Variants in SMARCAL1 observed in about 807,000 individuals in gnomAD.
The protein encoded by SMARCAL1 is SNF2 related chromatin remodeling annealing helicase 1.
Under a neutral mutation model 94.5 loss-of-function variants are expected in SMARCAL1, and 58 were observed. The observed-to-expected ratio is 0.61, with a 90% CI of 0.50 to 0.76. The LOEUF (loss-of-function observed/expected upper bound fraction) is 0.76. Among genes scored for constraint, SMARCAL1 ranks in the 30% least tolerant of loss-of-function variants. The pLI is 0.00. For synonymous variants in SMARCAL1, 422 were observed against 455.1 expected (o/e 0.93, Z 0.93); for missense variants, 1,051 against 1,177.9 (o/e 0.89, Z 1.58).
intron 9 of SMARCAL1, among the ~76,000 whole-genome samples, chr2:216,436,062 G>A (rs532581943): frequency 1.1e-4 from 16 of 152,162 alleles, no homozygotes; most frequent in African/African-American, 3.6e-4. Context: ...TCTGCCTCCC[G>A]GGTTCAAGCA....
intron 17 of SMARCAL1, 44 bp downstream of exon 17, chr2:216,478,343 C>A: frequency 6.8e-7 from 1 of 1,464,164 alleles, no homozygotes; most frequent in Non-Finnish European, 9.6e-7. Context: ...CAGAGGGAGG[C>A]ATTAAGCTGT....
At chr2:216,471,788 T>A (rs928174770) in intron 14 of SMARCAL1, among the ~76,000 whole-genome samples, 10 of 152,224 alleles carry the variant, frequency 6.6e-5, no homozygotes, top group African/African-American at 2.4e-4. Flanking sequence ...CTAGTCAGAT[T>A]TATAAATGAG....
At chr2:216,451,337 A>T (rs1412063269) in intron 12 of SMARCAL1, 3 of 464,790 alleles carry the variant, frequency 6.5e-6, no homozygotes, top group African/African-American at 2.0e-5. Flanking sequence ...GTGGTGATCA[A>T]TATTCCGAAT....
chr2:216,415,291 A>C lies in SMARCAL1; in HGVS notation c.587A>C (p.Lys196Thr), dbSNP rs1033691702. 6.2e-7 allele frequency: 1 copy of C among 1,614,240 alleles called. No homozygotes were observed. Among genetic ancestry groups the C allele is most frequent in the African/African-American group, 1.3e-5 (1 of 75,066 alleles). Residue 196 changes from lysine (K) to threonine (T), a missense_variant, in exon 3 of 18, where the codon AAA becomes ACA. Physicochemically the swap from Lys to Thr is moderately conservative, Grantham distance 78 (BLOSUM62 -1). Transcript: ENST00000357276. ...RDAKLEAKTA[K>T]ASPSGQNISY... The stretch of plus-strand genomic sequence containing the variant: ...GCTAAGTTAGAGGCCAAGACAGCAA[A>C]AGCCTCCCCTTCGGGGCAGAACATT...
At chr2:216,473,767 A>G (rs942587172) in intron 14 of SMARCAL1, among the ~76,000 whole-genome samples, 8 of 152,368 alleles carry the variant, frequency 5.3e-5, no homozygotes, top group South Asian at 4.1e-4. Context: ...GCAAGAATAA[A>G]TAAATGCCAT....
chr2:216,453,115 G>A (rs937721960), intron 12 of SMARCAL1, among the ~76,000 whole-genome samples: 1 of 152,200 alleles, frequency 6.6e-6, no homozygotes, highest in African/African-American at 2.4e-5. Context: ...ACACCACAGT[G>A]TTAACTCCAT....
chr2:216,459,062 T>A (rs1375233258), intron 12 of SMARCAL1, among the ~76,000 whole-genome samples: 7 of 152,088 alleles, frequency 4.6e-5, no homozygotes. Context: ...GAGCCAAATC[T>A]TGAGTGAACT....
At chr2:216,436,205 G>A (rs1694078709) in intron 9 of SMARCAL1, among the ~76,000 whole-genome samples, 1 of 152,190 alleles carries the variant, frequency 6.6e-6, no homozygotes, top group Non-Finnish European at 1.5e-5. Flanking sequence ...CTGACCTCAG[G>A]TGATCCACCC....
intron 12 of SMARCAL1, among the ~76,000 whole-genome samples, chr2:216,452,154 T>C (rs1446355303): frequency 2.6e-5 from 4 of 152,200 alleles, no homozygotes; most frequent in Non-Finnish European, 5.9e-5. Flanking sequence ...CTCTTTATTG[T>C]GGAGTTTTCA....
At chr2:216,414,577 A>T in intron 2 of SMARCAL1, 70 bp from the exon 3 acceptor site, 1 of 826,382 alleles carries the variant, frequency 1.2e-6, no homozygotes, top group Non-Finnish European at 2.0e-6. Flanking sequence ...AAAGCTTGTT[A>T]AAATCATGGT....
chr2:216,428,315 T>C (rs894037070), intron 6 of SMARCAL1, among the ~76,000 whole-genome samples: 4 of 152,130 alleles, frequency 2.6e-5, no homozygotes, highest in Non-Finnish European at 5.9e-5. Flanking sequence ...AATAAAGGGG[T>C]TTTTTCCCCT....
intron 11 of SMARCAL1, 75 bp downstream of exon 11, chr2:216,447,233 C>T: frequency 6.4e-7 from 1 of 1,557,206 alleles, no homozygotes; most frequent in East Asian, 2.3e-5. Flanking sequence ...TCTTCCTTCT[C>T]TCTGGCCATG....
rs767333534 is a variant in SMARCAL1 at position 216,482,980 on chromosome 2, G to C, written c.*3G>C. 8 of 1,611,140 alleles carry C rather than the reference G, an allele frequency of 5.0e-6. No individual in the cohort carries two copies. The highest frequency in any genetic ancestry group is 6.8e-6 in the Non-Finnish European group (8 of 1,179,320). On this transcript the variant is annotated 3_prime_UTR_variant, in exon 18 of 18. Transcript: ENST00000357276. The surrounding 1 kb of genome is among the most constrained non-coding windows in gnomAD (Gnocchi z 4.3). ...ACAGCTTTACGTCTCCCCTGTAAAA[G>C]GGGCAAAAAGAAAAAAATAAAAAGC...
chr2:216,418,256 C>T (rs951743876), intron 4 of SMARCAL1, among the ~76,000 whole-genome samples: 2 of 152,126 alleles, frequency 1.3e-5, no homozygotes, highest in African/African-American at 4.8e-5. Flanking sequence ...GTTTTGAAAA[C>T]CATGTTTATT....
In SMARCAL1 at chr2:216,482,836, AG is replaced by A; in HGVS notation, c.2726del (p.Gly909GlufsTer23). 6.2e-7 allele frequency: 1 copy of A among 1,614,208 alleles called. No individual in the cohort carries two copies. Among genetic ancestry groups the A allele is most frequent in the Non-Finnish European group, 8.5e-7 (1 of 1,180,038 alleles). Reference protein sequence around the residue: ...LLEAAESFDPGSASGTSGSSS... With the variant: ...LLEAAESFDPXSASGTSGSSS... ...TGGAAGCAGCAGAGTCCTTTGACCC[AG>A]GAAGTGCTTCAGGAACATCTGGAAG... is the stretch of plus-strand genomic sequence containing the variant. On this transcript the variant is annotated frameshift_variant, in exon 18 of 18. Transcript: ENST00000357276. LOFTEE classifies it high-confidence loss of function. The surrounding 1 kb of genome is among the most constrained non-coding windows in gnomAD (Gnocchi z 4.3).
intron 12 of SMARCAL1, 101 bp from the exon 13 acceptor site, chr2:216,464,496 G>A: frequency 1.1e-6 from 1 of 885,404 alleles, no homozygotes; most frequent in Non-Finnish European, 1.9e-6. Context: ...CTGGTGACGG[G>A]TGGTTGAGAT....
rs1467424427 is a variant in SMARCAL1, at chr2:216,438,582, A to G, written c.1710+97A>G. ...TCCTAGTCCAGCAGGGGTTGCAAGT[A>G]TAGACCTGTGGGCCATGGTCATGAC... On this transcript the variant is annotated intron_variant, in intron 10 of 17. Transcript: ENST00000357276. 3 of 1,016,296 alleles carry G rather than the reference A, an allele frequency of 3.0e-6. No homozygotes were observed. In the African/African-American group the frequency reaches 4.8e-5, roughly 16 times the overall value. The allele number at this position is 1,016,296 out of a possible 1,614,324, so 63.0% of individuals were successfully genotyped here. A position where few individuals can be genotyped will look rare whatever the true frequency, so the allele number is the denominator to read the frequency against.
intron 12 of SMARCAL1, among the ~76,000 whole-genome samples, chr2:216,456,048 C>T (rs948493867): frequency 4.6e-5 from 7 of 152,162 alleles, no homozygotes; most frequent in Middle Eastern, 3.4e-3. Flanking sequence ...AACTACGTGA[C>T]GAATGCATAA....
chr2:216,456,309 G>A (rs1331725504), intron 12 of SMARCAL1, among the ~76,000 whole-genome samples: 1 of 152,168 alleles, frequency 6.6e-6, no homozygotes, highest in Non-Finnish European at 1.5e-5. Context: ...AACCTAGCAA[G>A]GCAGGCCAAC....
Sources: gnomAD v4.1 joint callset for allele counts (sites outside exome capture counted in the v4.1 genomes callset) on GRCh38, gnomAD v4.1.1 for gene constraint, Gnocchi (gnomAD v3.1) non-coding constraint, MANE v1.5 for transcripts, NCBI Gene and HGNC (gene_info 2026-07-23, HGNC 2026-07-21) for gene names.